The following ATRNL1 variants were observed in gnomAD, a reference collection of about 807,000 sequenced individuals.
ATRNL1 encodes the protein attractin like 1, also known as attractin-like protein 1.
Under a neutral mutation model 182.7 loss-of-function variants are expected in ATRNL1, and 95 were observed. The observed-to-expected ratio is 0.52, with a 90% CI of 0.44 to 0.62. The LOEUF (loss-of-function observed/expected upper bound fraction) is 0.62, where lower values mean the gene tolerates loss of function less well. Ranked by LOEUF, ATRNL1 falls within the 20% of genes least tolerant of loss-of-function variation. The probability of loss-of-function intolerance (pLI) is 0.00; values close to 1 mark genes in which losing one functional copy is unlikely to be tolerated. For missense variants in ATRNL1, 1,471 were observed against 1,679.5 expected (o/e 0.88, Z 2.17); for synonymous variants, 576 against 568.3 (o/e 1.01, Z -0.19).
At chr10:115,527,992 CCCTCCCTTCCTT>C (rs1176079418) in intron 25 of ATRNL1, among the ~76,000 whole-genome samples, 1,000 of 48,320 alleles carry the variant, frequency 0.021, 28 homozygotes, top group East Asian at 0.074. Flanking sequence ...CTCCCTCCCT[CCCTCCCTTCCTT>C]CCTTCCTTCC....
At chr10:115,861,259 T>C (rs782074303) in intron 28 of ATRNL1, among the ~76,000 whole-genome samples, 1 of 152,188 alleles carries the variant, frequency 6.6e-6, no homozygotes. Flanking sequence ...TTTACTATTA[T>C]AAAATTTTTC....
At chr10:115,785,059 T>C (rs1206749798) in intron 27 of ATRNL1, among the ~76,000 whole-genome samples, 1 of 152,144 alleles carries the variant, frequency 6.6e-6, no homozygotes, top group Non-Finnish European at 1.5e-5. Flanking sequence ...ATTCAAAAAG[T>C]CCCAAATCTC....
chr10:115,713,289 T>C (rs906350251), intron 26 of ATRNL1, among the ~76,000 whole-genome samples: 2 of 152,174 alleles, frequency 1.3e-5, no homozygotes, highest in Non-Finnish European at 2.9e-5. Context: ...ACATCTTCTA[T>C]CTACCAGATA....
chr10:115,530,736 T>A (rs1554987998), intron 25 of ATRNL1, among the ~76,000 whole-genome samples: 2 of 150,698 alleles, frequency 1.3e-5, no homozygotes, highest in African/African-American at 4.9e-5. Context: ...CATTAACTCG[T>A]CATTTAGCAT....
At chr10:115,590,157 T>C (rs933041975) in intron 26 of ATRNL1, among the ~76,000 whole-genome samples, 1 of 152,192 alleles carries the variant, frequency 6.6e-6, no homozygotes, top group South Asian at 2.1e-4. Flanking sequence ...TATACTGCCA[T>C]AGGCCACAGA....
At chr10:115,234,284 G>T (rs1252948328) in intron 9 of ATRNL1, among the ~76,000 whole-genome samples, 2 of 151,816 alleles carry the variant, frequency 1.3e-5, no homozygotes, top group Non-Finnish European at 2.9e-5. Context: ...ATTCTCTCAG[G>T]ATCTTTTAGT....
At chr10:115,871,473 G>GTATATATATATATATATA (rs1391895391) in intron 28 of ATRNL1, among the ~76,000 whole-genome samples, 23 of 14,996 alleles carry the variant, frequency 1.5e-3, no homozygotes, top group African/African-American at 3.1e-3. Context: ...GATTCTTTGT[G>GTATATATATATATATATA]TGTGTGTATA....
chr10:115,249,783 C>G (rs1370779616), intron 10 of ATRNL1, among the ~76,000 whole-genome samples: 1 of 151,900 alleles, frequency 6.6e-6, no homozygotes, highest in Non-Finnish European at 1.5e-5. Flanking sequence ...ATGTCAGTAA[C>G]TATGGAATTT....
At chr10:115,112,419 G>A (rs781957521) in intron 1 of ATRNL1, among the ~76,000 whole-genome samples, 10 of 152,164 alleles carry the variant, frequency 6.6e-5, no homozygotes, top group Admixed American at 1.3e-4. Flanking sequence ...AAAAAACTGC[G>A]TGGATTTCAA....
At chr10:115,796,146 A>G (rs781883116) in intron 27 of ATRNL1, among the ~76,000 whole-genome samples, 5 of 150,494 alleles carry the variant, frequency 3.3e-5, no homozygotes, top group Admixed American at 6.6e-5. Flanking sequence ...GCTCTCAGAC[A>G]CTTCATGCCA....
At chr10:115,628,052 CAGG>C (rs1555025172) in intron 26 of ATRNL1, among the ~76,000 whole-genome samples, 1 of 150,122 alleles carries the variant, frequency 6.7e-6, no homozygotes, top group African/African-American at 2.5e-5. Flanking sequence ...GAGGCGGAGG[CAGG>C]AGAATTGCTT....
chr10:115,131,980 T>C (rs540221280), intron 5 of ATRNL1, among the ~76,000 whole-genome samples: 1 of 152,280 alleles, frequency 6.6e-6, no homozygotes, highest in Admixed American at 6.5e-5. Flanking sequence ...GTGCACAACG[T>C]GCAGGTTTGT....
chr10:115,791,433 A>G (rs577672058), intron 27 of ATRNL1, among the ~76,000 whole-genome samples: 1 of 152,300 alleles, frequency 6.6e-6, no homozygotes, highest in South Asian at 2.1e-4. Context: ...CACCCAGGTT[A>G]AGAAATAAGA....
rs376661267 is a variant in ATRNL1, at chr10:115,662,026, G to A, written c.3796-65222G>A. Among the ~76,000 whole-genome samples the A allele has an allele frequency of 1.5e-4, 22 of 150,902 alleles. No individual in the cohort carries two copies. In the East Asian group the frequency reaches 4.3e-3, roughly 30 times the overall value. On this transcript the variant is annotated intron_variant, in intron 26 of 28. Transcript: ENST00000355044. Reference sequence around the variant, plus strand: ...TCCCACCTATGAGTGAGAACATGCAGTGTTTGGTTTTTTGTCCTTGCAATA... The same window carrying A: ...TCCCACCTATGAGTGAGAACATGCAATGTTTGGTTTTTTGTCCTTGCAATA...
At chr10:115,390,210 C>T in intron 19 of ATRNL1, among the ~76,000 whole-genome samples, 1 of 152,052 alleles carries the variant, frequency 6.6e-6, no homozygotes, top group Admixed American at 6.5e-5. Context: ...GATGCAGTCT[C>T]ATTTGTTTAT....
rs747845468 is a variant in ATRNL1 at position 115,550,382 on chromosome 10, C to A, written c.3795+846C>A. Among the ~76,000 whole-genome samples, 12 of 151,246 alleles carry A rather than the reference C, an allele frequency of 7.9e-5. No individual in the cohort carries two copies. In the South Asian group the frequency reaches 1.0e-3, roughly 13 times the overall value. Reference sequence around the variant, plus strand: ...AGTATAATTGCTTACCTTCTTTTTTCCACATAAAAAATATAATATTTAAAG... The same window carrying A: ...AGTATAATTGCTTACCTTCTTTTTTACACATAAAAAATATAATATTTAAAG... On this transcript the variant is annotated intron_variant, in intron 26 of 28. Transcript: ENST00000355044.
In ATRNL1 at chr10:115,474,436, T is replaced by A. The variant is rs1426376398; in HGVS notation, c.3654+5107T>A. On this transcript the variant is annotated intron_variant, in intron 24 of 28. Coordinates refer to ENST00000355044, the MANE Select transcript of ATRNL1 (RefSeq NM_207303.4). ...TGTCCTAGTGAAGTCCTTTTTAGAT[T>A]GAATCTGTTTGGTGATGTTCAGCTT... 2.6e-5 allele frequency among the ~76,000 whole-genome samples: 4 copies of A among 151,384 alleles called. No individual in the cohort carries two copies. In the East Asian group the frequency reaches 7.8e-4, roughly 29 times the overall value.
chr10:115,227,056 A>G (rs1849728871), intron 9 of ATRNL1, among the ~76,000 whole-genome samples: 1 of 152,172 alleles, frequency 6.6e-6, no homozygotes, highest in Admixed American at 6.6e-5. Context: ...ATTGCAACAA[A>G]AACAAAAATT....
At chr10:115,821,748 T>C (rs1297422722) in intron 27 of ATRNL1, among the ~76,000 whole-genome samples, 9 of 152,230 alleles carry the variant, frequency 5.9e-5, no homozygotes, top group Admixed American at 5.2e-4. Flanking sequence ...CCTAAATATA[T>C]GTGCACTGAA....
Sources: allele counts gnomAD v4.1 joint callset (sites outside exome capture counted in the v4.1 genomes callset), GRCh38; gene constraint gnomAD v4.1.1; transcripts MANE v1.5; gene names NCBI Gene and HGNC (gene_info 2026-07-23, HGNC 2026-07-21).